The following DIPK1A variants were observed in gnomAD, a reference collection of about 807,000 sequenced individuals.
The protein encoded by DIPK1A is divergent protein kinase domain 1A.
Under a neutral mutation model 40.8 loss-of-function variants are expected in DIPK1A, and 27 were observed. The observed-to-expected ratio is 0.66, with a 90% CI of 0.49 to 0.91. The LOEUF (loss-of-function observed/expected upper bound fraction) is 0.91. DIPK1A is among the 40% of genes least tolerant of loss of function. The probability of loss-of-function intolerance (pLI) is 0.00; values close to 1 mark genes in which losing one functional copy is unlikely to be tolerated. For synonymous variants in DIPK1A, 166 were observed against 171.3 expected (o/e 0.97, Z 0.24); for missense variants, 412 against 505.7 (o/e 0.81, Z 1.78).
chr1:92,907,879 T>A (rs1233144465), intron 1 of DIPK1A, among the ~76,000 whole-genome samples: 2 of 152,076 alleles, frequency 1.3e-5, no homozygotes, highest in South Asian at 2.1e-4. Context: ...AAATATATAT[T>A]TTTTTGAGAC....
At chr1:92,900,569 G>C (rs764998328) in intron 1 of DIPK1A, among the ~76,000 whole-genome samples, 4 of 152,060 alleles carry the variant, frequency 2.6e-5, no homozygotes, top group Non-Finnish European at 5.9e-5. Flanking sequence ...GTTTCCCTAA[G>C]ATCATTATTT....
intron 1 of DIPK1A, among the ~76,000 whole-genome samples, chr1:92,879,435 T>C (rs1305045385): frequency 6.6e-6 from 1 of 152,228 alleles, no homozygotes; most frequent in African/African-American, 2.4e-5. Context: ...TATGTTTAAA[T>C]GGAGAAAAAC....
chr1:92,955,047 C>T (rs545687310), intron 1 of DIPK1A, among the ~76,000 whole-genome samples: 105 of 152,180 alleles, frequency 6.9e-4, no homozygotes, highest in Middle Eastern at 6.8e-3. Flanking sequence ...ATAGAGGAGA[C>T]GTAAATGCAT....
intron 1 of DIPK1A, among the ~76,000 whole-genome samples, chr1:92,949,084 A>C (rs1651521508): frequency 6.6e-6 from 1 of 151,382 alleles, no homozygotes; most frequent in African/African-American, 2.4e-5. Context: ...GGGATTAGTT[A>C]ACTTCATTTT....
Position 92,959,653 on chromosome 1 carries a change from G to A in DIPK1A, c.54+1723C>T, listed in dbSNP as rs543354719. 1.1e-3 allele frequency among the ~76,000 whole-genome samples: 166 copies of A among 151,072 alleles called. 2 individuals are homozygous for A. In the East Asian group the frequency reaches 0.022, roughly 20 times the overall value. Reference sequence around the variant, plus strand: ...TTTTTAGTAGAGACGGGGTTTCACCGTGTTAGCCAGGATGGTCTCGATCTC... The same window carrying A: ...TTTTTAGTAGAGACGGGGTTTCACCATGTTAGCCAGGATGGTCTCGATCTC... On this transcript the variant is annotated intron_variant, in intron 1 of 4. Coordinates refer to ENST00000370310, the MANE Select transcript of DIPK1A (RefSeq NM_001006605.5).
intron 1 of DIPK1A, among the ~76,000 whole-genome samples, chr1:92,917,739 G>C (rs1298741577): frequency 6.6e-6 from 1 of 152,182 alleles, no homozygotes; most frequent in African/African-American, 2.4e-5. Context: ...TACCCAACCA[G>C]AGAGCTGTGG....
chr1:92,877,150 T>G, intron 1 of DIPK1A: 1 of 985,424 alleles, frequency 1.0e-6, no homozygotes, highest in Non-Finnish European at 1.2e-6. Context: ...CTCTTTGCAT[T>G]GTTTTGTTTC....
At chr1:92,869,435 A>G (rs1264528641) in intron 2 of DIPK1A, among the ~76,000 whole-genome samples, 2 of 152,178 alleles carry the variant, frequency 1.3e-5, no homozygotes, top group African/African-American at 4.8e-5. Flanking sequence ...CTAGGATTAC[A>G]GATGTGAGCC....
chr1:92,895,454 A>G (rs936078901), intron 1 of DIPK1A, among the ~76,000 whole-genome samples: 22 of 151,972 alleles, frequency 1.4e-4, no homozygotes, highest in African/African-American at 5.1e-4. Flanking sequence ...AAATTCAACA[A>G]CCCTTCATGC....
intron 1 of DIPK1A, among the ~76,000 whole-genome samples, chr1:92,948,757 GTATATATATGTGTGTGTGTGTATA>G (rs1396125266): frequency 4.7e-5 from 6 of 128,770 alleles, no homozygotes; most frequent in Non-Finnish European, 1.0e-4. Context: ...ACATATATAT[GTATATATATGTGTGTGTGTGTATA>G]TATATATATG....
At chr1:92,842,119 GCT>G (rs1687390244), downstream of DIPK1A, 1 of 841,396 alleles carries the variant, frequency 1.2e-6, no homozygotes, top group Non-Finnish European at 1.5e-6. Context: ...ATGATGAACA[GCT>G]CTCCCTAAAA....
intron 1 of DIPK1A, among the ~76,000 whole-genome samples, chr1:92,944,723 C>T (rs1651296333): frequency 6.6e-6 from 1 of 152,144 alleles, no homozygotes. Context: ...GCTTCCACCT[C>T]CTGGGTTCAC....
At chr1:92,854,445 G>C (rs528948017) in intron 2 of DIPK1A, among the ~76,000 whole-genome samples, 2 of 152,326 alleles carry the variant, frequency 1.3e-5, no homozygotes, top group African/African-American at 4.8e-5. Context: ...GCTCAGAATG[G>C]CACAGGCTCC....
At chr1:92,945,608 T>C (rs1378718416) in intron 1 of DIPK1A, among the ~76,000 whole-genome samples, 2 of 152,244 alleles carry the variant, frequency 1.3e-5, no homozygotes, top group Non-Finnish European at 1.5e-5. Context: ...GACATAAACT[T>C]CAGGATCCTA....
intron 1 of DIPK1A, among the ~76,000 whole-genome samples, chr1:92,890,121 A>C (rs1317077036): frequency 1.3e-5 from 2 of 151,896 alleles, no homozygotes; most frequent in Non-Finnish European, 2.9e-5. Context: ...CTGCTAGTTC[A>C]TTGTTGATAT....
Position 92,843,145 on chromosome 1 carries a change from C to G in DIPK1A, c.*238G>C, listed in dbSNP as rs554970138. ...TTTTTAAAGTCAGTCAAAATAGTTA[C>G]ACAATGAATGTACTTCGGAGATGTA... On this transcript the variant is annotated 3_prime_UTR_variant, in exon 5 of 5. Coordinates refer to ENST00000370310, the MANE Select transcript of DIPK1A (RefSeq NM_001006605.5). 1 of 1,216,852 alleles carries G rather than the reference C, an allele frequency of 8.2e-7. No homozygotes were observed. Among genetic ancestry groups the G allele is most frequent in the Non-Finnish European group, 1.0e-6 (1 of 972,568 alleles). The allele number at this position is 1,216,852 out of a possible 1,614,324, so 75.4% of individuals were successfully genotyped here.
chr1:92,843,889 A>G lies in DIPK1A; in HGVS notation c.781T>C (p.Phe261Leu), dbSNP rs527486810. The G allele has an allele frequency of 2.6e-6, 4 of 1,551,780 alleles. No homozygotes were observed. Among genetic ancestry groups the G allele is most frequent in the Non-Finnish European group, 2.6e-6 (3 of 1,147,004 alleles). ...GCCTTTCTTGGCCATGATGGTGTGA[A>G]CAGCTGATCCATGCTTCTTCTGAAC... ...SGFRRSMDQL[F>L]TPSWPRKAKI... The change falls in exon 5 of 5, where the codon TTC becomes CTC. Residue 261 changes from phenylalanine (F) to leucine (L), a missense_variant. Coordinates refer to ENST00000370310, the MANE Select transcript of DIPK1A (RefSeq NM_001006605.5).
Position 92,961,432 on chromosome 1 carries a change from TA to T in DIPK1A, c.-4del. On this transcript the variant is annotated 5_prime_UTR_variant, in exon 1 of 5. Transcript: ENST00000370310. Reference sequence around the variant, plus strand: ...CCCGGACAGAGACTCCTCGCCATGGTAATCACACATCGCCCCGCCGCGCTGC... The same window carrying T: ...CCCGGACAGAGACTCCTCGCCATGGTATCACACATCGCCCCGCCGCGCTGC... 6.6e-7 allele frequency: 1 copy of T among 1,506,196 alleles called. No homozygotes were observed. Among genetic ancestry groups the T allele is most frequent in the South Asian group, 1.2e-5 (1 of 83,008 alleles). 93.3% of individuals were successfully genotyped at this position (1,506,196 alleles called of 1,614,324 possible).
intron 4 of DIPK1A, chr1:92,836,502 C>A: frequency 1.0e-6 from 1 of 963,794 alleles, no homozygotes. Context: ...TGAATGCCTG[C>A]TGTATGCCTA....
Sources: gnomAD v4.1 joint callset for allele counts (sites outside exome capture counted in the v4.1 genomes callset) on GRCh38, gnomAD v4.1.1 for gene constraint, MANE v1.5 for transcripts, NCBI Gene and HGNC (gene_info 2026-07-23, HGNC 2026-07-21) for gene names.